DAW1: variants seen among roughly 807,000 people sequenced by gnomAD.
DAW1 encodes dynein assembly factor with WD repeats 1.
In DAW1, 47 loss-of-function variants were observed where a neutral mutation model predicts 56.5. The ratio of observed to expected loss-of-function variants is 0.83; its 90% CI spans 0.66 to 1.06. The LOEUF (loss-of-function observed/expected upper bound fraction) is 1.06, where lower values mean the gene tolerates loss of function less well. DAW1 is among the 50% of genes least tolerant of loss of function. The pLI, the probability that DAW1 is intolerant of heterozygous loss-of-function variation, is 0.00. For synonymous variants in DAW1, 190 were observed against 179.0 expected (o/e 1.06, Z -0.49); for missense variants, 505 against 499.3 (o/e 1.01, Z -0.11).
chr2:227,917,593 G>C (rs1691992656), intron 10 of DAW1, among the ~76,000 whole-genome samples: 1 of 152,032 alleles, frequency 6.6e-6, no homozygotes. Context: ...ATCCCTATCT[G>C]TAAAAAAATT....
chr2:227,880,278 T>C (rs1690977796), intron 1 of DAW1, among the ~76,000 whole-genome samples: 1 of 152,166 alleles, frequency 6.6e-6, no homozygotes, highest in Non-Finnish European at 1.5e-5. Flanking sequence ...GTAAGCACCT[T>C]AAATCTTTTT....
rs572326902 is a variant in DAW1, at chr2:227,871,653, T to G, written c.-37T>G. The G allele has an allele frequency of 6.2e-7, 1 of 1,609,268 alleles. No individual in the cohort carries two copies. The highest frequency in any genetic ancestry group is 1.3e-5 in the African/African-American group (1 of 75,004). On this transcript the variant is annotated 5_prime_UTR_variant, in exon 1 of 13. Coordinates refer to ENST00000309931, the MANE Select transcript of DAW1 (RefSeq NM_178821.3). ...GCTGCTGTTTAGCCGTTTCCAAGGC[T>G]ACGAAGCCCATCGGCCGGGGATAAG... is the stretch of plus-strand genomic sequence containing the variant.
intron 10 of DAW1, among the ~76,000 whole-genome samples, chr2:227,911,316 A>G (rs1453767665): frequency 6.8e-6 from 1 of 148,030 alleles, no homozygotes; most frequent in African/African-American, 2.5e-5. Flanking sequence ...GTATAAGCAT[A>G]TATACATATA....
chr2:227,887,148 G>A (rs982419142), intron 2 of DAW1, among the ~76,000 whole-genome samples: 1 of 152,156 alleles, frequency 6.6e-6, no homozygotes, highest in African/African-American at 2.4e-5. Context: ...TAGGGTCCAA[G>A]TCTTATTTCG....
At position 227,906,246 on chromosome 2, in the gene DAW1, A is replaced by G. The variant is rs1389969726; in HGVS notation, c.766A>G (p.Ile256Val). ...ATTTTTGTGTTGTAGGAAGGTAAAT[A>G]TCTTAATTGGTCATTGTGCTGAGAT... ...WDADTGRKVN[I>V]LIGHCAEISS... The change falls in exon 9 of 13, where the codon ATC becomes GTC. Residue 256 changes from isoleucine (I) to valine (V), a missense_variant. Physicochemically the swap from Ile to Val is conservative, Grantham distance 29. Transcript: ENST00000309931. 10 of 1,611,766 alleles carry G rather than the reference A, an allele frequency of 6.2e-6. No individual in the cohort carries two copies. The highest frequency in any genetic ancestry group is 8.5e-6 in the Non-Finnish European group (10 of 1,178,672).
intron 5 of DAW1, among the ~76,000 whole-genome samples, chr2:227,896,648 GAA>G (rs1362383765): frequency 3.3e-5 from 5 of 151,376 alleles, no homozygotes; most frequent in Non-Finnish European, 5.9e-5. Flanking sequence ...GAGAGAGAGA[GAA>G]AGGAAAAACT....
intron 11 of DAW1, among the ~76,000 whole-genome samples, chr2:227,920,754 G>T (rs1310161133): frequency 1.3e-5 from 2 of 151,986 alleles, no homozygotes; most frequent in African/African-American, 2.4e-5. Flanking sequence ...TCAGCTCACT[G>T]CAACCTCCAC....
At chr2:227,881,743 C>CTTTTTTTT (rs541800966) in intron 1 of DAW1, among the ~76,000 whole-genome samples, 2 of 78,608 alleles carry the variant, frequency 2.5e-5, no homozygotes, top group Non-Finnish European at 4.6e-5. Flanking sequence ...CTGCCACATT[C>CTTTTTTTT]TTTTTTTTTT....
In DAW1 at chr2:227,921,887, C is replaced by A. The variant is rs183266356; in HGVS notation, c.1213+326C>A. On this transcript the variant is annotated intron_variant, in intron 12 of 12. Transcript: ENST00000309931. Reference sequence around the variant, plus strand: ...ATTGAATGGTTAATATTTAGTCAGCCAGGCGCATTGGCTCATGCCAACAAT... The same window carrying A: ...ATTGAATGGTTAATATTTAGTCAGCAAGGCGCATTGGCTCATGCCAACAAT... 4.0e-3 allele frequency among the ~76,000 whole-genome samples: 606 copies of A among 152,288 alleles called. 6 individuals carry two copies. The highest frequency in any genetic ancestry group is 0.014 in the African/African-American group (565 of 41,560).
chr2:227,900,291 G>T (rs1324902485), intron 6 of DAW1, among the ~76,000 whole-genome samples: 1 of 152,134 alleles, frequency 6.6e-6, no homozygotes, highest in Non-Finnish European at 1.5e-5. Context: ...CACTCCTTTA[G>T]ATTTTGGGGA....
chr2:227,884,028 T>C (rs1337924966), intron 1 of DAW1, among the ~76,000 whole-genome samples: 1 of 152,122 alleles, frequency 6.6e-6, no homozygotes, highest in Non-Finnish European at 1.5e-5. Context: ...TAGAGTAAGG[T>C]GGTTAGGAGG....
rs557749867 is a variant in DAW1 at position 227,922,787 on chromosome 2, C to T, written c.1214-1147C>T. Among the ~76,000 whole-genome samples, 4 of 152,266 alleles carry T rather than the reference C, an allele frequency of 2.6e-5. No individual in the cohort carries two copies. The South Asian group carries it at 8.3e-4, about 32-fold the overall frequency. ...TGGGCTTATGATTTTCAAGTGTTAA[C>T]TAAGATGTAGGTACTTTGAAAGCAC... On this transcript the variant is annotated intron_variant, in intron 12 of 12. Transcript: ENST00000309931.
At chr2:227,875,919 T>C (rs1183349842) in intron 1 of DAW1, among the ~76,000 whole-genome samples, 1 of 152,118 alleles carries the variant, frequency 6.6e-6, no homozygotes, top group Non-Finnish European at 1.5e-5. Context: ...TTTAATGAGA[T>C]GATGTGTGTT....
chr2:227,921,486 C>T lies in DAW1; in HGVS notation c.1138C>T (p.Leu380Phe). ...CTGGGATGCTCAGACTGGCCAGTGCCTCCAGGTTCTTGAGGGGCACACTGA... is the reference window on the plus strand; with the variant it reads ...CTGGGATGCTCAGACTGGCCAGTGCTTCCAGGTTCTTGAGGGGCACACTGA... Reference protein sequence around the residue: ...RIWDAQTGQCLQVLEGHTDEI... With the variant: ...RIWDAQTGQCFQVLEGHTDEI... Residue 380 changes from leucine to phenylalanine, a missense_variant, in exon 12 of 13, where the codon CTC becomes TTC. Transcript: ENST00000309931. 6.2e-7 allele frequency: 1 copy of T among 1,614,010 alleles called. No individual in the cohort carries two copies.
At position 227,893,847 on chromosome 2, in the gene DAW1, G is replaced by T; in HGVS notation, c.370G>T (p.Gly124Ter). The change falls in exon 5 of 13, where the codon GGA becomes TGA. Residue 124 changes from glycine (G) to a stop codon, truncating the protein, a stop_gained. Coordinates refer to ENST00000309931, the MANE Select transcript of DAW1 (RefSeq NM_178821.3). LOFTEE classifies it high-confidence loss of function. ...RTCKLWDTAS[G>*]EELNTLEGHR... ...GTGCAAGCTCTGGGACACTGCGTCTGGAGAGGAGCTGAACACGCTGGAGGG... is the reference window on the plus strand; with the variant it reads ...GTGCAAGCTCTGGGACACTGCGTCTTGAGAGGAGCTGAACACGCTGGAGGG... 6.2e-7 allele frequency: 1 copy of T among 1,613,964 alleles called. No homozygotes were observed. Among genetic ancestry groups the T allele is most frequent in the South Asian group, 1.1e-5 (1 of 91,058 alleles).
intron 5 of DAW1, among the ~76,000 whole-genome samples, chr2:227,894,929 A>T (rs1006347500): frequency 6.6e-6 from 1 of 152,268 alleles, no homozygotes; most frequent in Non-Finnish European, 1.5e-5. Context: ...ATTGTGTAAC[A>T]TAACGTGTAA....
chr2:227,916,879 A>C (rs990421010), intron 10 of DAW1, among the ~76,000 whole-genome samples: 1 of 152,004 alleles, frequency 6.6e-6, no homozygotes, highest in African/African-American at 2.4e-5. Flanking sequence ...ACTACTATAC[A>C]TCTGGATCAT....
intron 12 of DAW1, among the ~76,000 whole-genome samples, 164 bp downstream of exon 12, chr2:227,921,725 T>G (rs1193874367): frequency 2.0e-5 from 3 of 152,188 alleles, no homozygotes; most frequent in African/African-American, 7.2e-5. Context: ...TTTAGTTTTA[T>G]GAGGACCCAC....
chr2:227,910,833 A>G (rs543056571), intron 10 of DAW1, among the ~76,000 whole-genome samples: 30 of 152,142 alleles, frequency 2.0e-4, no homozygotes, highest in Non-Finnish European at 3.7e-4. Flanking sequence ...TGTCTGCTTC[A>G]TTTTCATGAT....
Sources: gnomAD v4.1 joint callset for allele counts (sites outside exome capture counted in the v4.1 genomes callset) on GRCh38, gnomAD v4.1.1 for gene constraint, MANE v1.5 for transcripts, NCBI Gene and HGNC (gene_info 2026-07-23, HGNC 2026-07-21) for gene names.